POLA2: variants seen among roughly 807,000 people sequenced by gnomAD.
The protein encoded by POLA2 is DNA polymerase alpha 2, accessory subunit, also known as DNA polymerase alpha subunit B.
Under a neutral mutation model 82.8 loss-of-function variants are expected in POLA2, and 47 were observed. The observed-to-expected ratio is 0.57, with a 90% CI of 0.45 to 0.72. POLA2 has a LOEUF of 0.72. Ranked by LOEUF, POLA2 falls within the 30% of genes least tolerant of loss-of-function variation. The pLI, the probability that POLA2 is intolerant of heterozygous loss-of-function variation, is 0.00. For missense variants in POLA2, 634 were observed against 728.1 expected (o/e 0.87, Z 1.49); for synonymous variants, 287 against 286.8 (o/e 1.00, Z -0.01).
chr11:65,267,793 A>ATT (rs201382452), intron 3 of POLA2, among the ~76,000 whole-genome samples: 24 of 144,908 alleles, frequency 1.7e-4, no homozygotes, highest in African/African-American at 5.3e-4. Flanking sequence ...AAAAGTACAA[A>ATT]TTTTTTTTTT....
At chr11:65,276,776 G>C (rs917769163) in intron 5 of POLA2, among the ~76,000 whole-genome samples, 1 of 148,796 alleles carries the variant, frequency 6.7e-6, no homozygotes, top group Non-Finnish European at 1.5e-5. Context: ...GCTTAAGATT[G>C]TTCAACTCTA....
chr11:65,297,569 T>C lies in POLA2; in HGVS notation c.*300T>C. Reference sequence around the variant, plus strand: ...CGAGAAGGCTTTGTGATTTTCTACATGAATCAAACACAGAAACAACTTTTG... The same window carrying C: ...CGAGAAGGCTTTGTGATTTTCTACACGAATCAAACACAGAAACAACTTTTG... On this transcript the variant is annotated 3_prime_UTR_variant, in exon 18 of 18. Transcript: ENST00000265465. 3.8e-6 allele frequency: 1 copy of C among 265,156 alleles called. No homozygotes were observed. The highest frequency in any genetic ancestry group is 6.9e-5 in the East Asian group (1 of 14,508). 16.4% of individuals were successfully genotyped at this position (265,156 alleles called of 1,614,324 possible).
intron 3 of POLA2, among the ~76,000 whole-genome samples, 196 bp from the exon 4 acceptor site, chr11:65,268,476 C>T (rs1435822337): frequency 2.6e-5 from 4 of 151,356 alleles, no homozygotes; most frequent in Admixed American, 2.6e-4. Flanking sequence ...CTCAGCCTCC[C>T]GAGTAGCTGG....
chr11:65,289,081 A>C lies in POLA2; in HGVS notation c.1163A>C (p.Gln388Pro). Residue 388 changes from glutamine (Q) to proline (P), a missense_variant, in exon 12 of 18, where the codon CAG (glutamine) becomes CCG (proline). Gln to Pro is a moderately conservative substitution (Grantham distance 76, BLOSUM62 -1). Transcript: ENST00000265465. ...CCTTTCCTGGATGCTAAGCATGAAC[A>C]GGTGGAGGTGAGTGGGCTGGGGTGG... ...FGPFLDAKHEQVENCLLTSPF... is the reference protein window; with the variant it reads ...FGPFLDAKHEPVENCLLTSPF... The C allele has an allele frequency of 6.5e-7, 1 of 1,527,854 alleles. No homozygotes were observed. The highest frequency in any genetic ancestry group is 8.9e-7 in the Non-Finnish European group (1 of 1,119,642). The allele number at this position is 1,527,854 out of a possible 1,614,324, so 94.6% of individuals were successfully genotyped here.
At chr11:65,282,350 T>C in intron 9 of POLA2, 129 bp from the exon 10 acceptor site, 2 of 740,124 alleles carry the variant, frequency 2.7e-6, no homozygotes, top group Non-Finnish European at 4.8e-6. Context: ...ATCCTTCCCC[T>C]GCCCTCTCGC....
At chr11:65,300,850 G>C (rs1949855739), downstream of POLA2, among the ~76,000 whole-genome samples, 1 of 152,242 alleles carries the variant, frequency 6.6e-6, no homozygotes, top group African/African-American at 2.4e-5. Flanking sequence ...CCAGAGTGTT[G>C]GGATTACAGG....
chr11:65,293,210 G>T (rs371079824), intron 13 of POLA2, among the ~76,000 whole-genome samples: 5 of 152,088 alleles, frequency 3.3e-5, no homozygotes, highest in African/African-American at 7.2e-5. Flanking sequence ...CTCAGGGAGA[G>T]GCCGCTTGGG....
chr11:65,282,443 C>T (rs372059508), intron 9 of POLA2, 36 bp from the exon 10 acceptor site: 110 of 1,602,210 alleles, frequency 6.9e-5, no homozygotes, highest in African/African-American at 2.3e-4. Context: ...TGATGCCTGG[C>T]GCAAGACCTT....
chr11:65,293,248 G>A (rs560999499), intron 13 of POLA2, among the ~76,000 whole-genome samples: 4 of 152,258 alleles, frequency 2.6e-5, no homozygotes, highest in African/African-American at 9.6e-5. Context: ...GGAAATGTCT[G>A]TGTCTCGGTT....
chr11:65,293,448 A>G (rs930917393), intron 13 of POLA2, among the ~76,000 whole-genome samples: 2 of 152,078 alleles, frequency 1.3e-5, no homozygotes, highest in Non-Finnish European at 2.9e-5. Flanking sequence ...TATCTGTACT[A>G]AAAATACAAA....
At chr11:65,262,767 T>G (rs1949413210) in intron 1 of POLA2, among the ~76,000 whole-genome samples, 1 of 152,162 alleles carries the variant, frequency 6.6e-6, no homozygotes, top group Non-Finnish European at 1.5e-5. Flanking sequence ...CTCCTCCCTT[T>G]CCAGCCTACA....
intron 10 of POLA2, among the ~76,000 whole-genome samples, chr11:65,283,140 A>AG (rs942846410): frequency 4.6e-5 from 7 of 152,310 alleles, no homozygotes; most frequent in African/African-American, 1.7e-4. Flanking sequence ...CTTAAAAAAA[A>AG]TTAAAATTAA....
Position 65,262,271 on chromosome 11 carries a change from C to T in POLA2, c.-22C>T, listed in dbSNP as rs771913422. 1.2e-6 allele frequency: 2 copies of T among 1,606,392 alleles called. No homozygotes were observed. Among genetic ancestry groups the T allele is most frequent in the South Asian group, 2.2e-5 (2 of 90,072 alleles). The stretch of plus-strand genomic sequence containing the variant: ...GGTCGGAGCTGGGTGGGCCGGCTCC[C>T]CGGCCCCTGGCTTGGGCGACCATGT... On this transcript the variant is annotated 5_prime_UTR_variant, in exon 1 of 18. Coordinates refer to ENST00000265465, the MANE Select transcript of POLA2 (RefSeq NM_002689.4).
chr11:65,288,245 TTGC>T (rs1949718121), intron 11 of POLA2, among the ~76,000 whole-genome samples: 1 of 152,086 alleles, frequency 6.6e-6, no homozygotes, highest in South Asian at 2.1e-4. Context: ...GAAGCAGAGG[TTGC>T]AGTGAGCTGA....
intron 5 of POLA2, among the ~76,000 whole-genome samples, chr11:65,277,193 T>C (rs1253984308): frequency 6.6e-6 from 1 of 151,324 alleles, no homozygotes; most frequent in African/African-American, 2.4e-5. Context: ...TTTTTTTTTT[T>C]TTAAGATAGG....
In POLA2 at chr11:65,287,753, A is replaced by G; in HGVS notation, c.1044A>G (p.Pro348=). ...GCATGGTCCTGGTTGCCTGTGGACC[A>G]TACACCACATCTGACAGCATCACGT... ...EQSMVLVACG[P]YTTSDSITYD... Residue 348 remains proline (P), a synonymous_variant, in exon 11 of 18, where the codon CCA becomes CCG. Transcript: ENST00000265465. 6.2e-7 allele frequency: 1 copy of G among 1,613,872 alleles called. No individual in the cohort carries two copies. The highest frequency in any genetic ancestry group is 8.5e-7 in the Non-Finnish European group (1 of 1,179,866).
downstream of POLA2, among the ~76,000 whole-genome samples, chr11:65,301,402 T>C (rs1949858936): frequency 6.6e-6 from 1 of 151,472 alleles, no homozygotes; most frequent in South Asian, 2.1e-4. Context: ...CAGTACCTGG[T>C]AGCATGTAGC....
At position 65,295,860 on chromosome 11, in the gene POLA2, G is replaced by C. The variant is rs1949805137; in HGVS notation, c.1521-4G>C. ...GTGCTGACAATTTCTCTCTGTCTCT[G>C]TAGCTACTACCCACTCTACCCGCCC... On this transcript the variant is annotated splice_region_variant and splice_polypyrimidine_tract_variant and intron_variant, in intron 16 of 17. Transcript: ENST00000265465. 6.2e-7 allele frequency: 1 copy of C among 1,608,570 alleles called. No homozygotes were observed. The highest frequency in any genetic ancestry group is 8.5e-7 in the Non-Finnish European group (1 of 1,175,422).
At chr11:65,301,919 G>A (rs969491833), downstream of POLA2, among the ~76,000 whole-genome samples, 1 of 152,116 alleles carries the variant, frequency 6.6e-6, no homozygotes, top group African/African-American at 2.4e-5. Context: ...AATGCCCAGG[G>A]GCCTAGGGGC....
Sources: allele counts gnomAD v4.1 joint callset (sites outside exome capture counted in the v4.1 genomes callset), GRCh38; gene constraint gnomAD v4.1.1; transcripts MANE v1.5; gene names NCBI Gene and HGNC (gene_info 2026-07-23, HGNC 2026-07-21).